The following ARHGEF3 variants were observed in gnomAD, a reference collection of about 807,000 sequenced individuals.
ARHGEF3 encodes 59.8 kDA protein.
Under a neutral mutation model 63.2 loss-of-function variants are expected in ARHGEF3, and 28 were observed. That is an observed-to-expected ratio of 0.44 (90% CI 0.33 to 0.61). The LOEUF is 0.61. ARHGEF3 is among the 20% of genes least tolerant of loss of function. The probability of loss-of-function intolerance (pLI) is 0.03; values close to 1 mark genes in which losing one functional copy is unlikely to be tolerated. For synonymous variants in ARHGEF3, 266 were observed against 254.2 expected (o/e 1.05, Z -0.44); for missense variants, 533 against 659.3 (o/e 0.81, Z 2.10).
chr3:57,001,551 G>C lies in ARHGEF3; in HGVS notation c.62+33537C>G, dbSNP rs11921214. On this transcript the variant is annotated intron_variant, in intron 2 of 12. Coordinates refer to the ARHGEF3 transcript ENST00000338458. ...TTCTTACCTTCCCAGACCCCCTGTA[G>C]CTACAGAGCTTCAGTTCTGGCCAAA... Among the ~76,000 whole-genome samples, 3 of 152,298 alleles carry C rather than the reference G, an allele frequency of 2.0e-5. No homozygotes were observed. In the East Asian group the frequency reaches 5.8e-4, roughly 29 times the overall value.
At chr3:57,069,546 C>T (rs1308516440) in intron 1 of ARHGEF3, among the ~76,000 whole-genome samples, 3 of 152,128 alleles carry the variant, frequency 2.0e-5, no homozygotes, top group African/African-American at 7.2e-5. Flanking sequence ...TATAGGCACT[C>T]CATTTTTTAT....
Position 56,729,505 on chromosome 3 carries a change from T to G in ARHGEF3, c.1346A>C (p.Glu449Ala), listed in dbSNP as rs758962414. The change falls in exon 10 of 10, where the codon GAA becomes GCA. Residue 449 changes from glutamate to alanine, a missense_variant. Transcript: ENST00000296315. The stretch of plus-strand genomic sequence containing the variant: ...TTGCCCGGCAGCACACAAAACTGTT[T>G]CTTTGGCTTGACGAATACAGTTAAG... ...QWLNCIRQAK[E>A]TVLCAAGQAG... 1.9e-6 allele frequency: 3 copies of G among 1,614,122 alleles called. No homozygotes were observed. Among genetic ancestry groups the G allele is most frequent in the Non-Finnish European group, 2.5e-6 (3 of 1,180,042 alleles).
At position 56,751,287 on chromosome 3, in the gene ARHGEF3, A is replaced by G. The variant is rs752551560; in HGVS notation, c.535+13T>C. ...GCTACAAGTCACGACTCATCCTGGG[A>G]ACAAAATTATACCTTCATGTAGAGG... On this transcript the variant is annotated intron_variant, in intron 5 of 9. Transcript: ENST00000296315. 18 of 1,604,520 alleles carry G rather than the reference A, an allele frequency of 1.1e-5. No individual in the cohort carries two copies. The South Asian group carries it at 1.9e-4, about 17-fold the overall frequency.
chr3:56,941,743 T>G (rs1369672800), intron 3 of ARHGEF3, among the ~76,000 whole-genome samples: 1 of 152,240 alleles, frequency 6.6e-6, no homozygotes. Flanking sequence ...CTACTCCATA[T>G]TGTTGTTCAT....
rs185460549 is a variant in ARHGEF3 at position 56,742,270 on chromosome 3, A to G, written c.870+2935T>C. Among the ~76,000 whole-genome samples, 3 of 152,328 alleles carry G rather than the reference A, an allele frequency of 2.0e-5. No individual in the cohort carries two copies. The East Asian group carries it at 5.8e-4, about 29-fold the overall frequency. On this transcript the variant is annotated intron_variant, in intron 7 of 9. Coordinates refer to ENST00000296315, the MANE Select transcript of ARHGEF3 (RefSeq NM_019555.3). ...CTGGCCGAAAAATTCTTAGAATTTA[A>G]AACACTAAACAACCAAGTTCTCTGG...
chr3:56,942,379 A>C (rs914817610), intron 3 of ARHGEF3, among the ~76,000 whole-genome samples: 2 of 152,158 alleles, frequency 1.3e-5, no homozygotes, highest in Admixed American at 1.3e-4. Context: ...TGTTACGGTG[A>C]TGTCTGACCA....
At chr3:56,766,346 A>T (rs1438592592) in intron 2 of ARHGEF3, among the ~76,000 whole-genome samples, 1 of 152,208 alleles carries the variant, frequency 6.6e-6, no homozygotes, top group Non-Finnish European at 1.5e-5. Context: ...AATGAGAGGC[A>T]GTGGTTGCTA....
At chr3:56,969,405 T>A (rs866633427) in intron 2 of ARHGEF3, among the ~76,000 whole-genome samples, 10 of 116,112 alleles carry the variant, frequency 8.6e-5, no homozygotes, top group East Asian at 3.3e-4. Context: ...AATAAGAATT[T>A]TTCATATATT....
At chr3:56,792,113 A>AAAAAAAAAGAAAAG (rs55899473) in intron 1 of ARHGEF3, among the ~76,000 whole-genome samples, 1 of 139,984 alleles carries the variant, frequency 7.1e-6, no homozygotes, top group African/African-American at 3.0e-5. Context: ...CAAAAAAAAA[A>AAAAAAAAAGAAAAG]AAAAGAAAAG....
chr3:56,827,523 G>A (rs551275208), intron 4 of ARHGEF3, among the ~76,000 whole-genome samples: 2 of 152,166 alleles, frequency 1.3e-5, no homozygotes, highest in South Asian at 4.2e-4. Context: ...TGGCTGTTGC[G>A]AGGATTAAAT....
chr3:56,953,075 C>T (rs1422031718), intron 3 of ARHGEF3, among the ~76,000 whole-genome samples: 1 of 152,144 alleles, frequency 6.6e-6, no homozygotes, highest in Non-Finnish European at 1.5e-5. Context: ...ATCTACCAGG[C>T]GGGACTGCCA....
At chr3:57,040,282 CCTGG>C (rs1291885777) in intron 1 of ARHGEF3, among the ~76,000 whole-genome samples, 1 of 152,024 alleles carries the variant, frequency 6.6e-6, no homozygotes, top group African/African-American at 2.4e-5. Flanking sequence ...TTGAGACCAA[CCTGG>C]CTAACATGGT....
chr3:56,882,843 T>C (rs1172437970), intron 3 of ARHGEF3, among the ~76,000 whole-genome samples: 1 of 152,170 alleles, frequency 6.6e-6, no homozygotes, highest in African/African-American at 2.4e-5. Context: ...TAAGAAAGCC[T>C]AAGAAGTTAT....
At chr3:56,850,459 G>A (rs2039639275) in intron 4 of ARHGEF3, among the ~76,000 whole-genome samples, 1 of 152,208 alleles carries the variant, frequency 6.6e-6, no homozygotes, top group African/African-American at 2.4e-5. Context: ...AACCTGGGGT[G>A]CAGAGGTTGC....
intron 3 of ARHGEF3, among the ~76,000 whole-genome samples, chr3:56,902,606 A>G (rs1408671096): frequency 2.0e-5 from 3 of 152,186 alleles, no homozygotes; most frequent in Non-Finnish European, 2.9e-5. Flanking sequence ...TTTGTCCAAA[A>G]AGTACTGAGT....
chr3:56,850,676 G>A (rs553606820), intron 4 of ARHGEF3, among the ~76,000 whole-genome samples: 1 of 152,264 alleles, frequency 6.6e-6, no homozygotes, highest in Admixed American at 6.5e-5. Flanking sequence ...TTGTGTATTC[G>A]TTTGACAACT....
At chr3:56,787,555 G>C (rs1190988345) in intron 1 of ARHGEF3, among the ~76,000 whole-genome samples, 1 of 152,020 alleles carries the variant, frequency 6.6e-6, no homozygotes, top group Non-Finnish European at 1.5e-5. Context: ...CCGTTATCCT[G>C]TTTCATAGAG....
At chr3:56,750,985 T>C in intron 6 of ARHGEF3, 71 bp downstream of exon 6, 1 of 1,078,142 alleles carries the variant, frequency 9.3e-7, no homozygotes, top group Admixed American at 2.9e-5. Context: ...ATAAAAAAAG[T>C]CTAGCTAAAA....
At chr3:56,941,285 G>T (rs1192488420) in intron 3 of ARHGEF3, among the ~76,000 whole-genome samples, 1 of 152,230 alleles carries the variant, frequency 6.6e-6, no homozygotes, top group African/African-American at 2.4e-5. Flanking sequence ...TTGGCTCACT[G>T]CAACCTCCGC....
Sources: allele counts gnomAD v4.1 joint callset (sites outside exome capture counted in the v4.1 genomes callset), GRCh38; gene constraint gnomAD v4.1.1; transcripts MANE v1.5; gene names NCBI Gene and HGNC (gene_info 2026-07-23, HGNC 2026-07-21).